TSHZ2: variants seen among roughly 807,000 people sequenced by gnomAD.
The protein encoded by TSHZ2 is teashirt homolog 2.
TSHZ2 carries 21 observed loss-of-function variants against 74.4 expected under a neutral mutation model. The observed-to-expected ratio is 0.28, with a 90% CI of 0.20 to 0.41. The LOEUF (loss-of-function observed/expected upper bound fraction) is 0.41, where lower values mean the gene tolerates loss of function less well. Ranked by LOEUF, TSHZ2 falls within the 10% of genes least tolerant of loss-of-function variation. TSHZ2 has a pLI of 1.00. For missense variants in TSHZ2, 1,244 were observed against 1,293.5 expected, an observed-to-expected ratio of 0.96 and a Z score of 0.59; for synonymous variants, 540 against 515.3, an observed-to-expected ratio of 1.05 and a Z score of -0.65.
At chr20:52,991,467 G>A (rs549479612) in intron 1 of TSHZ2, among the ~76,000 whole-genome samples, 1 of 141,362 alleles carries the variant, frequency 7.1e-6, no homozygotes, top group African/African-American at 2.7e-5. Context: ...GTATGTTGTG[G>A]GTATTAGTGT....
intron 1 of TSHZ2, chr20:53,178,456 T>C (rs1425137441): frequency 6.6e-6 from 1 of 152,412 alleles, no homozygotes; most frequent in East Asian, 1.9e-4. Context: ...CTGACTCCTC[T>C]TGATTGTACT....
intron 2 of TSHZ2, among the ~76,000 whole-genome samples, chr20:53,304,334 G>A (rs1978431006): frequency 6.6e-6 from 1 of 151,744 alleles, no homozygotes; most frequent in African/African-American, 2.4e-5. Flanking sequence ...TAGTTTTAGA[G>A]CTCCCGGTAC....
At chr20:53,341,963 G>A (rs939689147) in intron 2 of TSHZ2, among the ~76,000 whole-genome samples, 5 of 152,194 alleles carry the variant, frequency 3.3e-5, no homozygotes, top group South Asian at 2.1e-4. Context: ...CACCCACCTC[G>A]GCCTCCTAAA....
intron 1 of TSHZ2, among the ~76,000 whole-genome samples, chr20:53,064,900 C>G (rs1045865101): frequency 6.6e-6 from 1 of 152,140 alleles, no homozygotes; most frequent in African/African-American, 2.4e-5. Context: ...TTCCTGCTTG[C>G]CTTCAGGGTT....
At chr20:53,216,775 A>G (rs568624007) in intron 1 of TSHZ2, among the ~76,000 whole-genome samples, 1 of 152,240 alleles carries the variant, frequency 6.6e-6, no homozygotes, top group East Asian at 1.9e-4. Flanking sequence ...CCCCTTAATC[A>G]TGTGGGTTGT....
intron 1 of TSHZ2, among the ~76,000 whole-genome samples, chr20:53,190,417 C>T (rs1314677422): frequency 2.0e-5 from 3 of 151,726 alleles, no homozygotes; most frequent in Non-Finnish European, 4.4e-5. Flanking sequence ...CAACACCCCT[C>T]TAGTGGTTCT....
At chr20:53,394,786 C>T (rs913252600) in intron 2 of TSHZ2, among the ~76,000 whole-genome samples, 1 of 119,018 alleles carries the variant, frequency 8.4e-6, no homozygotes, top group African/African-American at 4.3e-5. Flanking sequence ...AAAAACTGTT[C>T]TTCAATTGCC....
chr20:53,094,122 C>T (rs1259300019), intron 1 of TSHZ2, among the ~76,000 whole-genome samples: 2 of 151,942 alleles, frequency 1.3e-5, no homozygotes, highest in Non-Finnish European at 2.9e-5. Context: ...GTATCGTCTG[C>T]AGATGCTTTC....
chr20:53,276,244 A>ATTT (rs5841938), intron 2 of TSHZ2, among the ~76,000 whole-genome samples: 13 of 145,214 alleles, frequency 9.0e-5, no homozygotes, highest in African/African-American at 2.7e-4. Context: ...TGGCTCTTTC[A>ATTT]TTTTTTTTTT....
chr20:53,001,683 C>G (rs1409145563), intron 1 of TSHZ2, among the ~76,000 whole-genome samples: 3 of 152,226 alleles, frequency 2.0e-5, no homozygotes, highest in Non-Finnish European at 4.4e-5. Flanking sequence ...TAAAGCCCCA[C>G]CTCGTCTTCT....
At chr20:53,259,452 G>A (rs1990556269) in intron 2 of TSHZ2, among the ~76,000 whole-genome samples, 2 of 152,182 alleles carry the variant, frequency 1.3e-5, no homozygotes, top group African/African-American at 4.8e-5. Context: ...ATTTCAATAT[G>A]TATTTGTATA....
chr20:53,207,866 T>TC (rs2123600707), intron 1 of TSHZ2, among the ~76,000 whole-genome samples: 1 of 146,696 alleles, frequency 6.8e-6, no homozygotes, highest in South Asian at 2.2e-4. Flanking sequence ...TACTTTTTTT[T>TC]TTTTTTTTTT....
chr20:53,471,689 A>G (rs186345116), intron 2 of TSHZ2, among the ~76,000 whole-genome samples: 162 of 152,208 alleles, frequency 1.1e-3, no homozygotes, highest in Middle Eastern at 6.8e-3. Flanking sequence ...TGTTCTTGGT[A>G]TATATCAAGT....
In TSHZ2 at chr20:53,093,100, G is replaced by C. The variant is rs1985934169; in HGVS notation, c.40+119767G>C. Among the ~76,000 whole-genome samples the C allele has an allele frequency of 2.0e-5, 3 of 152,206 alleles. No individual in the cohort carries two copies. In the South Asian group the frequency reaches 6.2e-4, roughly 32 times the overall value. On this transcript the variant is annotated intron_variant, in intron 1 of 2. Coordinates refer to ENST00000371497, the MANE Select transcript of TSHZ2 (RefSeq NM_173485.6). The stretch of plus-strand genomic sequence containing the variant: ...CACATCCTGGCTCTGATACTTACCA[G>C]CTGTGGGTGCCTGGCCATCTGAAAG...
intron 1 of TSHZ2, among the ~76,000 whole-genome samples, chr20:53,246,310 T>A (rs1344509801): frequency 6.6e-6 from 1 of 152,174 alleles, no homozygotes; most frequent in Non-Finnish European, 1.5e-5. Flanking sequence ...CCCAAAGTGC[T>A]GGGATTACAG....
intron 1 of TSHZ2, among the ~76,000 whole-genome samples, chr20:53,043,756 T>A (rs536786705): frequency 6.6e-6 from 1 of 152,240 alleles, no homozygotes; most frequent in South Asian, 2.1e-4. Context: ...TAGGCAATCT[T>A]ATAATATAGG....
At chr20:53,017,331 C>T (rs1255821022) in intron 1 of TSHZ2, among the ~76,000 whole-genome samples, 3 of 152,110 alleles carry the variant, frequency 2.0e-5, no homozygotes, top group Admixed American at 2.0e-4. Flanking sequence ...TGCTACAAGT[C>T]GTACTGAAAT....
rs3042185 is a variant in TSHZ2, at chr20:53,394,761, C to CAAAAAAAA, written c.*9-92371_*9-92364dup. On this transcript the variant is annotated intron_variant, in intron 2 of 2. Coordinates refer to ENST00000371497, the MANE Select transcript of TSHZ2 (RefSeq NM_173485.6). ...GCAAACATCACTAATCAATCTGTCT[C>CAAAAAAAA]AAAAAAAAAAAAAAAAAAACTGTTC... Among the ~76,000 whole-genome samples the CAAAAAAAA allele has an allele frequency of 6.4e-4, 46 of 72,354 alleles. 2 individuals carry two copies. Among genetic ancestry groups the CAAAAAAAA allele is most frequent in the African/African-American group, 2.3e-3 (43 of 18,634 alleles). 47.5% of individuals were successfully genotyped at this position (72,354 alleles called of 152,430 possible). A position where few individuals can be genotyped will look rare whatever the true frequency, so the allele number is the denominator to read the frequency against.
At chr20:53,027,906 A>G (rs1983506218) in intron 1 of TSHZ2, among the ~76,000 whole-genome samples, 2 of 152,140 alleles carry the variant, frequency 1.3e-5, no homozygotes, top group Non-Finnish European at 2.9e-5. Flanking sequence ...AAAGAAAAGA[A>G]TCCCAGTGGT....
Sources: gnomAD v4.1 joint callset for allele counts (sites outside exome capture counted in the v4.1 genomes callset) on GRCh38, gnomAD v4.1.1 for gene constraint, MANE v1.5 for transcripts, NCBI Gene and HGNC (gene_info 2026-07-23, HGNC 2026-07-21) for gene names.